The following NELL2 variants were observed in gnomAD, a reference collection of about 807,000 sequenced individuals.
NELL2 encodes the protein neural EGFL like 2.
A neutral mutation model predicts 109.6 loss-of-function variants in NELL2; 41 were observed. The observed-to-expected ratio is 0.37, with a 90% CI of 0.29 to 0.49. The LOEUF is 0.49. Among genes scored for constraint, NELL2 ranks in the 20% least tolerant of loss-of-function variants. NELL2 has a pLI of 0.98. For missense variants in NELL2, 900 were observed against 1,008.3 expected, an observed-to-expected ratio of 0.89 and a Z score of 1.45; for synonymous variants, 355 against 344.7, an observed-to-expected ratio of 1.03 and a Z score of -0.33.
chr12:44,523,303 C>T lies in NELL2; in HGVS notation c.1986G>A (p.Val662=). 6.2e-7 allele frequency: 1 copy of T among 1,614,120 alleles called. No homozygotes were observed. Among genetic ancestry groups the T allele is most frequent in the Non-Finnish European group, 8.5e-7 (1 of 1,179,992 alleles). ...CATTTATACCAACCTGACATGAGCA[C>T]ACAGAGCACCTGTCATTTTCCAACA... ...IWVLENDRCS[V]CSCQNGFVMC... Residue 662 remains valine (V), a synonymous_variant, in exon 17 of 20, where the codon GTG becomes GTA. Coordinates refer to ENST00000429094, the MANE Select transcript of NELL2 (RefSeq NM_001145108.2).
At chr12:44,793,947 TG>T (rs1942525140) in intron 3 of NELL2, among the ~76,000 whole-genome samples, 1 of 152,228 alleles carries the variant, frequency 6.6e-6, no homozygotes, top group African/African-American at 2.4e-5. Flanking sequence ...TAATGAACAC[TG>T]GGCATACTTT....
chr12:44,519,619 C>G (rs1941430747), intron 19 of NELL2, among the ~76,000 whole-genome samples: 1 of 152,144 alleles, frequency 6.6e-6, no homozygotes, highest in South Asian at 2.1e-4. Flanking sequence ...ATCTTACGGA[C>G]CTTGTAAAAG....
intron 12 of NELL2, among the ~76,000 whole-genome samples, chr12:44,672,731 C>A (rs564391293): frequency 1.1e-3 from 163 of 152,246 alleles, no homozygotes; most frequent in African/African-American, 3.8e-3. Context: ...CTATTTACAG[C>A]CACAATGGTG....
chr12:44,823,109 T>C (rs1163675555), intron 2 of NELL2, among the ~76,000 whole-genome samples: 1 of 152,164 alleles, frequency 6.6e-6, no homozygotes, highest in Non-Finnish European at 1.5e-5. Context: ...CAAATTTCTC[T>C]TCTTAATGGG....
chr12:44,902,852 G>A (rs2710439), intron 1 of NELL2, among the ~76,000 whole-genome samples: 5,303 of 152,216 alleles, frequency 0.035, 204 homozygotes, highest in African/African-American at 0.085. Flanking sequence ...CTAGCCATAG[G>A]CAGAAAACTA....
At chr12:44,554,600 G>A (rs1205066165) in intron 15 of NELL2, among the ~76,000 whole-genome samples, 3 of 152,126 alleles carry the variant, frequency 2.0e-5, no homozygotes, top group African/African-American at 7.2e-5. Context: ...AATATGTGGG[G>A]TTTACTGTAT....
chr12:44,783,093 A>T (rs1312956394), intron 3 of NELL2, among the ~76,000 whole-genome samples: 2 of 151,974 alleles, frequency 1.3e-5, no homozygotes, highest in Non-Finnish European at 2.9e-5. Flanking sequence ...ATAACCAGAC[A>T]ATCTCCAAAT....
chr12:44,736,096 C>T lies in NELL2; in HGVS notation c.995-21355G>A, dbSNP rs1014780673. 2.5e-4 allele frequency among the ~76,000 whole-genome samples: 37 copies of T among 150,468 alleles called. 1 individual carries two copies. Among genetic ancestry groups the T allele is most frequent in the African/African-American group, 6.9e-4 (28 of 40,860 alleles). The stretch of plus-strand genomic sequence containing the variant: ...CGCGATCTTGACTCACTGCAAGCTC[C>T]GCCTCCCGGGTTCACGCCATTCTCC... On this transcript the variant is annotated intron_variant, in intron 9 of 19. Transcript: ENST00000429094.
chr12:44,866,793 CATT>C (rs1283326897), intron 2 of NELL2, among the ~76,000 whole-genome samples: 1 of 151,842 alleles, frequency 6.6e-6, no homozygotes, highest in African/African-American at 2.4e-5. Context: ...AAAGAAGAGA[CATT>C]ATTACTGATA....
intron 8 of NELL2, 61 bp from the exon 9 acceptor site, chr12:44,774,910 T>C (rs928440065): frequency 2.8e-5 from 36 of 1,279,082 alleles, no homozygotes; most frequent in Non-Finnish European, 4.0e-5. Flanking sequence ...TTCAAGAATT[T>C]TTGAATTCAT....
At chr12:44,673,264 A>T in intron 12 of NELL2, among the ~76,000 whole-genome samples, 1 of 152,232 alleles carries the variant, frequency 6.6e-6, no homozygotes, top group East Asian at 1.9e-4. Flanking sequence ...AAATGGCATG[A>T]CTAAAAAGTA....
chr12:44,733,344 G>C (rs893030754), intron 9 of NELL2, among the ~76,000 whole-genome samples: 2 of 151,880 alleles, frequency 1.3e-5, no homozygotes, highest in Non-Finnish European at 2.9e-5. Context: ...AGAAAATGTA[G>C]TATATACATA....
At chr12:44,869,284 C>A (rs1945097189) in intron 2 of NELL2, among the ~76,000 whole-genome samples, 1 of 152,144 alleles carries the variant, frequency 6.6e-6, no homozygotes, top group Admixed American at 6.5e-5. Flanking sequence ...AGGCAAACAC[C>A]ACTTGGTTTC....
intron 15 of NELL2, among the ~76,000 whole-genome samples, chr12:44,600,708 G>C (rs1269541906): frequency 6.6e-6 from 1 of 152,158 alleles, no homozygotes; most frequent in African/African-American, 2.4e-5. Flanking sequence ...ATGGCAGAAA[G>C]CCTCAGCTTT....
chr12:44,748,155 T>C (rs1477906426), intron 9 of NELL2, among the ~76,000 whole-genome samples: 2 of 152,140 alleles, frequency 1.3e-5, no homozygotes, highest in African/African-American at 4.8e-5. Context: ...CATTAGCCTG[T>C]TTCAGAAACT....
At chr12:44,521,795 C>T (rs1362380085) in intron 18 of NELL2, among the ~76,000 whole-genome samples, 2 of 151,902 alleles carry the variant, frequency 1.3e-5, no homozygotes, top group Non-Finnish European at 2.9e-5. Context: ...GACTATTCAA[C>T]ACCTTGTACC....
At position 44,523,316 on chromosome 12, in the gene NELL2, T is replaced by A; in HGVS notation, c.1973A>T (p.Asp658Val). The change falls in exon 17 of 20, where the codon GAC becomes GTC. Residue 658 changes from aspartate (D) to valine (V), a missense_variant. By Grantham distance (152) the Asp-to-Val change is radical. This residue lies in a region of NELL2 where 333 missense variants were observed against 432.3 expected (regional missense o/e 0.77). Coordinates refer to ENST00000429094, the MANE Select transcript of NELL2 (RefSeq NM_001145108.2). ...CTGACATGAGCACACAGAGCACCTG[T>A]CATTTTCCAACACCCAAATCTGACC... ...HNGQIWVLEN[D>V]RCSVCSCQNG... 1 of 1,614,170 alleles carries A rather than the reference T, an allele frequency of 6.2e-7. No homozygotes were observed. Among genetic ancestry groups the A allele is most frequent in the Non-Finnish European group, 8.5e-7 (1 of 1,180,004 alleles).
rs149963137 is a variant in NELL2, at chr12:44,568,209, T to A, written c.1664-35488A>T. On this transcript the variant is annotated intron_variant, in intron 15 of 19. Coordinates refer to ENST00000429094, the MANE Select transcript of NELL2 (RefSeq NM_001145108.2). ...TTGGTGGCAGGAAACGTAGCTAAGT[T>A]TGTGTAAAGGAAAAGTTCAAACCCA... Among the ~76,000 whole-genome samples the A allele has an allele frequency of 2.9e-3, 439 of 152,202 alleles. 1 individual carries two copies. Among genetic ancestry groups the A allele is most frequent in the African/African-American group, 5.9e-3 (246 of 41,546 alleles).
chr12:44,801,140 C>T (rs1455172198), intron 3 of NELL2, among the ~76,000 whole-genome samples: 1 of 152,102 alleles, frequency 6.6e-6, no homozygotes, highest in African/African-American at 2.4e-5. Context: ...CGCCAAAATG[C>T]TAGAAATCTT....
Sources: allele counts gnomAD v4.1 joint callset (sites outside exome capture counted in the v4.1 genomes callset), GRCh38; gene constraint gnomAD v4.1.1; regional missense constraint gnomAD v4.1.1; transcripts MANE v1.5; gene names NCBI Gene and HGNC (gene_info 2026-07-23, HGNC 2026-07-21).